The following ABLIM1 variants were observed in gnomAD, a reference collection of about 807,000 sequenced individuals.
The protein encoded by ABLIM1 is actin binding LIM protein 1, also known as actin-binding LIM protein 1.
Under a neutral mutation model 107.0 loss-of-function variants are expected in ABLIM1, and 40 were observed. The ratio of observed to expected loss-of-function variants is 0.37; its 90% CI spans 0.29 to 0.49. ABLIM1 has a LOEUF of 0.49. Among genes scored for constraint, ABLIM1 ranks in the 20% least tolerant of loss-of-function variants. The pLI is 0.97. For synonymous variants in ABLIM1, 357 were observed against 357.3 expected, an observed-to-expected ratio of 1.00 and a Z score of 0.01; for missense variants, 857 against 1,008.5, an observed-to-expected ratio of 0.85 and a Z score of 2.04.
At chr10:114,530,301 T>A (rs2136948335) in intron 6 of ABLIM1, among the ~76,000 whole-genome samples, 1 of 152,256 alleles carries the variant, frequency 6.6e-6, no homozygotes, top group African/African-American at 2.4e-5. Flanking sequence ...AAAGCCACAC[T>A]TTGGCAGTCC....
At chr10:114,552,161 C>A (rs536178580) in intron 4 of ABLIM1, among the ~76,000 whole-genome samples, 8 of 152,250 alleles carry the variant, frequency 5.3e-5, no homozygotes, top group Non-Finnish European at 8.8e-5. Context: ...AAGCCATGGT[C>A]TTCACTCAAG....
intron 5 of ABLIM1, among the ~76,000 whole-genome samples, chr10:114,546,227 A>G (rs1216549980): frequency 5.3e-5 from 8 of 151,934 alleles, no homozygotes; most frequent in Admixed American, 5.2e-4. Context: ...ATGTTCCGTT[A>G]GAAGCCAGGC....
At chr10:114,498,457 T>C (rs1210577300) in intron 6 of ABLIM1, among the ~76,000 whole-genome samples, 1 of 152,166 alleles carries the variant, frequency 6.6e-6, no homozygotes, top group African/African-American at 2.4e-5. Flanking sequence ...AAAAAGAGAA[T>C]TGTAATTCTA....
At chr10:114,620,179 C>T (rs767524209) in intron 1 of ABLIM1, among the ~76,000 whole-genome samples, 3 of 152,120 alleles carry the variant, frequency 2.0e-5, no homozygotes, top group African/African-American at 4.8e-5. Context: ...GGATCATCAC[C>T]GGCATACTTA....
chr10:114,679,235 A>C (rs1441831165), intron 1 of ABLIM1, among the ~76,000 whole-genome samples: 1 of 152,200 alleles, frequency 6.6e-6, no homozygotes, highest in Non-Finnish European at 1.5e-5. Flanking sequence ...AAATCTTACT[A>C]TCTGGCTCTT....
At chr10:114,469,998 G>A in intron 10 of ABLIM1, among the ~76,000 whole-genome samples, 1 of 152,174 alleles carries the variant, frequency 6.6e-6, no homozygotes. Context: ...CCTGTCTCTA[G>A]GGGGTCTCAG....
At chr10:114,733,796 T>A (rs549128546) in intron 1 of ABLIM1, among the ~76,000 whole-genome samples, 9 of 152,144 alleles carry the variant, frequency 5.9e-5, no homozygotes, top group Non-Finnish European at 1.0e-4. Context: ...GGCATTTCAT[T>A]CTTCTTTTAT....
chr10:114,497,451 G>A (rs1047700037), intron 6 of ABLIM1, among the ~76,000 whole-genome samples: 8 of 150,228 alleles, frequency 5.3e-5, no homozygotes, highest in African/African-American at 4.9e-5. Flanking sequence ...AGGCCGAGGC[G>A]GGCAGATCAC....
the ABLIM1 span, among the ~76,000 whole-genome samples, chr10:114,797,086 C>T: frequency 0.056 from 8,492 of 152,242 alleles, 801 homozygotes; most frequent in African/African-American, 0.19. Flanking sequence ...ACTCTCTCAC[C>T]GTAACTTCCT....
rs183245351 is a variant in ABLIM1 at position 114,471,740 on chromosome 10, A to C, written c.1275+1237T>G. Among the ~76,000 whole-genome samples the C allele has an allele frequency of 3.7e-3, 567 of 152,284 alleles. 4 individuals are homozygous for C. Among genetic ancestry groups the C allele is most frequent in the African/African-American group, 0.013 (541 of 41,562 alleles). On this transcript the variant is annotated intron_variant, in intron 10 of 22. Transcript: ENST00000533213. ...CATCTGGAATTGAGAACAATTAAAC[A>C]GAATCACATTTTCATGCCTTTTCTT...
chr10:114,466,405 A>T (rs1342811250), intron 11 of ABLIM1, among the ~76,000 whole-genome samples: 8 of 152,158 alleles, frequency 5.3e-5, no homozygotes. Context: ...CCATGCTGAC[A>T]TTGTACTTTT....
intron 1 of ABLIM1, among the ~76,000 whole-genome samples, chr10:114,633,538 AC>A (rs2078306410): frequency 6.6e-6 from 1 of 151,640 alleles, no homozygotes; most frequent in South Asian, 2.1e-4. Flanking sequence ...CGCCCACACC[AC>A]TCCCCGCACC....
intron 1 of ABLIM1, among the ~76,000 whole-genome samples, chr10:114,618,592 G>T (rs949456181): frequency 6.6e-6 from 1 of 152,360 alleles, no homozygotes; most frequent in South Asian, 2.1e-4. Context: ...CCTGGGTAAA[G>T]ATGTGCAGGC....
intron 16 of ABLIM1, among the ~76,000 whole-genome samples, chr10:114,444,902 T>G (rs2060785753): frequency 6.6e-6 from 1 of 152,186 alleles, no homozygotes; most frequent in African/African-American, 2.4e-5. Context: ...TGGAGAAATG[T>G]TCAATCCCAC....
intron 1 of ABLIM1, among the ~76,000 whole-genome samples, chr10:114,646,690 G>A (rs2483529): frequency 0.021 from 3,235 of 152,314 alleles, 98 homozygotes; most frequent in African/African-American, 0.074. Flanking sequence ...GACTACAGGA[G>A]GAGTTACAGG....
chr10:114,678,372 G>A (rs1173673819), intron 1 of ABLIM1, among the ~76,000 whole-genome samples: 1 of 152,166 alleles, frequency 6.6e-6, no homozygotes, highest in Admixed American at 6.5e-5. Context: ...CATTTCTAAA[G>A]CATGTCTCGT....
At chr10:114,743,432 C>T (rs1395221735) in intron 1 of ABLIM1, among the ~76,000 whole-genome samples, 1 of 152,228 alleles carries the variant, frequency 6.6e-6, no homozygotes, top group Non-Finnish European at 1.5e-5. Context: ...GATTCAGACA[C>T]ACTGCCAGAT....
intron 1 of ABLIM1, among the ~76,000 whole-genome samples, chr10:114,677,027 G>A (rs534188929): frequency 5.5e-4 from 83 of 152,190 alleles, no homozygotes; most frequent in African/African-American, 1.8e-3. Flanking sequence ...ATGAGCCACC[G>A]TGCCTGGCCA....
chr10:114,748,575 TG>T (rs1789294173), intron 1 of ABLIM1, among the ~76,000 whole-genome samples: 1 of 106,448 alleles, frequency 9.4e-6, no homozygotes. Context: ...CCATTTTGCC[TG>T]TTTCAAAAAA....
Sources: gnomAD v4.1 joint callset for allele counts (sites outside exome capture counted in the v4.1 genomes callset) on GRCh38, gnomAD v4.1.1 for gene constraint, MANE v1.5 for transcripts, NCBI Gene and HGNC (gene_info 2026-07-23, HGNC 2026-07-21) for gene names.